Variants in PRKCA observed in about 807,000 individuals in gnomAD.
PRKCA encodes the protein protein kinase C alpha, also known as protein kinase C alpha type.
In PRKCA, 27 loss-of-function variants were observed where a neutral mutation model predicts 87.0. The ratio of observed to expected loss-of-function variants is 0.31; its 90% CI spans 0.23 to 0.43. The LOEUF is 0.43. PRKCA is among the 20% of genes least tolerant of loss of function. The pLI, the probability that PRKCA is intolerant of heterozygous loss-of-function variation, is 1.00. For missense variants in PRKCA, 518 were observed against 852.3 expected, an observed-to-expected ratio of 0.61 and a Z score of 4.88; for synonymous variants, 329 against 311.1, an observed-to-expected ratio of 1.06 and a Z score of -0.61.
chr17:66,539,006 CT>C lies in PRKCA; in HGVS notation c.288+42724del, dbSNP rs1393547321. ...AGACTTTTATCAGCAGTCTGTACTT[CT>C]CCTTTTATCTTCGGAACTGTGATGA... On this transcript the variant is annotated intron_variant, in intron 3 of 16. Transcript: ENST00000413366. Among the ~76,000 whole-genome samples, 3 of 152,266 alleles carry C rather than the reference CT, an allele frequency of 2.0e-5. No homozygotes were observed. In the East Asian group the frequency reaches 5.8e-4, roughly 29 times the overall value.
At chr17:66,382,725 T>C (rs1017166077) in intron 2 of PRKCA, among the ~76,000 whole-genome samples, 1 of 152,184 alleles carries the variant, frequency 6.6e-6, no homozygotes, top group Non-Finnish European at 1.5e-5. Flanking sequence ...AGGAGACACC[T>C]GACAGTGTCT....
chr17:66,741,413 T>A (rs1182671427), intron 11 of PRKCA, among the ~76,000 whole-genome samples: 1 of 152,224 alleles, frequency 6.6e-6, no homozygotes, highest in Non-Finnish European at 1.5e-5. Flanking sequence ...ATAAGCTACT[T>A]GTCCACCTTC....
intron 3 of PRKCA, among the ~76,000 whole-genome samples, chr17:66,536,643 A>C (rs1299136842): frequency 2.6e-5 from 4 of 152,184 alleles, no homozygotes; most frequent in Non-Finnish European, 5.9e-5. Context: ...TGTCATCATC[A>C]CCAATGGCAG....
At chr17:66,711,368 A>G (rs1355728256) in intron 8 of PRKCA, among the ~76,000 whole-genome samples, 1 of 152,174 alleles carries the variant, frequency 6.6e-6, no homozygotes, top group Non-Finnish European at 1.5e-5. Context: ...AATTGTTCTG[A>G]TGTTCTTAAT....
At chr17:66,750,227 C>G (rs1438272996) in intron 13 of PRKCA, among the ~76,000 whole-genome samples, 2 of 151,846 alleles carry the variant, frequency 1.3e-5, no homozygotes, top group Admixed American at 6.6e-5. Context: ...CCGCACCAGC[C>G]CAGCATGGGC....
chr17:66,768,346 C>T lies in PRKCA; in HGVS notation c.1525-5641C>T, dbSNP rs575089780. ...AAGTGATCCTCTTGCCTCGGCCTCC[C>T]GAGCTACTGGGATTACAGGCATGAG... On this transcript the variant is annotated intron_variant, in intron 13 of 16. Coordinates refer to ENST00000413366, the MANE Select transcript of PRKCA (RefSeq NM_002737.3). 3.8e-4 allele frequency among the ~76,000 whole-genome samples: 58 copies of T among 152,094 alleles called. 1 individual carries two copies. The South Asian group carries it at 0.011, about 28-fold the overall frequency.
chr17:66,512,122 C>G (rs568496124), intron 3 of PRKCA, among the ~76,000 whole-genome samples: 1 of 152,242 alleles, frequency 6.6e-6, no homozygotes, highest in Non-Finnish European at 1.5e-5. Context: ...ACAGTTTACC[C>G]TCCACAGTAG....
intron 2 of PRKCA, among the ~76,000 whole-genome samples, chr17:66,448,388 A>T (rs750015266): frequency 4.6e-5 from 7 of 152,140 alleles, no homozygotes; most frequent in Non-Finnish European, 8.8e-5. Context: ...GAGACGCCTG[A>T]TGGAAGTTTG....
chr17:66,800,579 A>T (rs1226162222), intron 16 of PRKCA, among the ~76,000 whole-genome samples: 1 of 152,176 alleles, frequency 6.6e-6, no homozygotes, highest in African/African-American at 2.4e-5. Flanking sequence ...GAGCTTGGGA[A>T]ATCTCCTTTT....
chr17:66,710,967 C>A (rs868763499), intron 8 of PRKCA, among the ~76,000 whole-genome samples: 1 of 151,972 alleles, frequency 6.6e-6, no homozygotes, highest in African/African-American at 2.4e-5. Flanking sequence ...CACTTGAACC[C>A]GGGAGGCGGA....
intron 3 of PRKCA, among the ~76,000 whole-genome samples, chr17:66,626,487 G>A (rs544681612): frequency 2.7e-5 from 4 of 150,296 alleles, no homozygotes; most frequent in African/African-American, 4.9e-5. Flanking sequence ...TCAGCCTCCC[G>A]AGTAGCTGGG....
chr17:66,713,821 T>C (rs922175328), intron 8 of PRKCA, among the ~76,000 whole-genome samples: 6 of 152,184 alleles, frequency 3.9e-5, no homozygotes, highest in African/African-American at 1.4e-4. Context: ...TTTTCTCTGT[T>C]GACAGGCTGC....
At chr17:66,590,297 AC>A (rs1268468159) in intron 3 of PRKCA, among the ~76,000 whole-genome samples, 1 of 152,094 alleles carries the variant, frequency 6.6e-6, no homozygotes, top group Admixed American at 6.5e-5. Context: ...GATTCCCTTG[AC>A]TAAAAGCACA....
At chr17:66,430,613 A>T (rs556278066) in intron 2 of PRKCA, among the ~76,000 whole-genome samples, 189 of 152,112 alleles carry the variant, frequency 1.2e-3, no homozygotes, top group Non-Finnish European at 2.3e-3. Context: ...AGCCACAAAG[A>T]GGTTCCAGAT....
chr17:66,753,882 C>G (rs1406926526), intron 13 of PRKCA, among the ~76,000 whole-genome samples: 3 of 152,144 alleles, frequency 2.0e-5, no homozygotes, highest in Admixed American at 6.5e-5. Context: ...TCCTGGACTT[C>G]CAGCCTCCAG....
chr17:66,756,428 C>T (rs566232985), intron 13 of PRKCA, among the ~76,000 whole-genome samples: 1 of 152,182 alleles, frequency 6.6e-6, no homozygotes, highest in Admixed American at 6.5e-5. Context: ...ACCTCATCGT[C>T]GGACCGTAGC....
chr17:66,425,663 G>A (rs1240810073), intron 2 of PRKCA, among the ~76,000 whole-genome samples: 1 of 152,172 alleles, frequency 6.6e-6, no homozygotes, highest in Non-Finnish European at 1.5e-5. Flanking sequence ...CATGGAAAGC[G>A]ATTTTAGCGA....
intron 2 of PRKCA, among the ~76,000 whole-genome samples, chr17:66,475,959 C>T (rs909445862): frequency 2.0e-5 from 3 of 152,082 alleles, no homozygotes; most frequent in South Asian, 2.1e-4. Context: ...CACAGTGGTG[C>T]GATCTCTGCT....
At chr17:66,664,563 A>G (rs987842160) in intron 5 of PRKCA, among the ~76,000 whole-genome samples, 3 of 151,862 alleles carry the variant, frequency 2.0e-5, no homozygotes, top group Admixed American at 1.3e-4. Flanking sequence ...CCTTGACATC[A>G]TCAAAGAAGA....
Sources: allele counts gnomAD v4.1 joint callset (sites outside exome capture counted in the v4.1 genomes callset), GRCh38; gene constraint gnomAD v4.1.1; transcripts MANE v1.5; gene names NCBI Gene and HGNC (gene_info 2026-07-23, HGNC 2026-07-21).